VPS53: variants seen among roughly 807,000 people sequenced by gnomAD.
VPS53 encodes vacuolar protein sorting-associated protein 53 homolog.
Under a neutral mutation model 107.0 loss-of-function variants are expected in VPS53, and 70 were observed. The ratio of observed to expected loss-of-function variants is 0.65; its 90% CI spans 0.54 to 0.80. The LOEUF (loss-of-function observed/expected upper bound fraction) is 0.80. VPS53 is among the 30% of genes least tolerant of loss of function. The pLI, the probability that VPS53 is intolerant of heterozygous loss-of-function variation, is 0.00. For missense variants in VPS53, 917 were observed against 1,049.4 expected, an observed-to-expected ratio of 0.87 and a Z score of 1.74; for synonymous variants, 409 against 393.3, an observed-to-expected ratio of 1.04 and a Z score of -0.47.
chr17:608,267 A>C (rs34135607), intron 11 of VPS53, among the ~76,000 whole-genome samples: 2 of 152,258 alleles, frequency 1.3e-5, no homozygotes, highest in African/African-American at 4.8e-5. Context: ...CTAGACCCTA[A>C]GTGCCTTCCC....
chr17:661,398 GT>G (rs1971430909), intron 5 of VPS53, among the ~76,000 whole-genome samples: 1 of 151,696 alleles, frequency 6.6e-6, no homozygotes, highest in Non-Finnish European at 1.5e-5. Flanking sequence ...GCAGGCGCCT[GT>G]AATCCCAGCT....
chr17:562,386 G>A (rs977067033), intron 14 of VPS53, 117 bp downstream of exon 14: 9 of 1,419,596 alleles, frequency 6.3e-6, no homozygotes, highest in Middle Eastern at 2.2e-4. Flanking sequence ...CTCAGGAAGC[G>A]TGCTTTCCTC....
chr17:556,978 G>A (rs1912487348), intron 15 of VPS53, among the ~76,000 whole-genome samples: 1 of 152,004 alleles, frequency 6.6e-6, no homozygotes, highest in Non-Finnish European at 1.5e-5. Context: ...GAGGCTTGGG[G>A]AATGAGACTG....
At position 714,646 on chromosome 17, in the gene VPS53, C is replaced by A; in HGVS notation, c.64G>T (p.Glu22Ter). The A allele has an allele frequency of 6.2e-7, 1 of 1,612,846 alleles. No individual in the cohort carries two copies. The highest frequency in any genetic ancestry group is 8.5e-7 in the Non-Finnish European group (1 of 1,179,434). Residue 22 changes from glutamate to a stop codon, truncating the protein, a stop_gained, in exon 1 of 22, where the codon GAG becomes TAG. Transcript: ENST00000437048. LOFTEE classifies it high-confidence loss of function. ...ELEAVLQLTP[E>*]VQLAIEQVFP... is the part of the protein sequence containing the mutation. ...ACCTGCTCGATGGCCAGCTGCACCTCGGGCGTGAGCTGCAGCACGGCTTCC... is the reference window on the plus strand; with the variant it reads ...ACCTGCTCGATGGCCAGCTGCACCTAGGGCGTGAGCTGCAGCACGGCTTCC...
intron 8 of VPS53, among the ~76,000 whole-genome samples, chr17:631,268 A>G (rs1424035683): frequency 6.6e-6 from 1 of 151,438 alleles, no homozygotes; most frequent in Non-Finnish European, 1.5e-5. Flanking sequence ...CATGAGAAAA[A>G]AGGAATTGAC....
chr17:617,447 A>G (rs1445229825), intron 11 of VPS53, among the ~76,000 whole-genome samples: 1 of 152,176 alleles, frequency 6.6e-6, no homozygotes, highest in Non-Finnish European at 1.5e-5. Context: ...TGTCACCCAG[A>G]CTGGAGTGCA....
At chr17:701,151 C>T (rs2143944821) in intron 2 of VPS53, among the ~76,000 whole-genome samples, 1 of 151,834 alleles carries the variant, frequency 6.6e-6, no homozygotes, top group South Asian at 2.1e-4. Flanking sequence ...CAGTGAGATC[C>T]CATCTCTCCA....
intron 15 of VPS53, among the ~76,000 whole-genome samples, chr17:555,882 A>G (rs1191500339): frequency 1.3e-5 from 2 of 152,250 alleles, no homozygotes; most frequent in Non-Finnish European, 2.9e-5. Context: ...TGCAATCAGG[A>G]AAATCCAAAA....
At chr17:613,571 T>G (rs1029634477) in intron 11 of VPS53, among the ~76,000 whole-genome samples, 25 of 149,128 alleles carry the variant, frequency 1.7e-4, no homozygotes, top group African/African-American at 6.2e-4. Flanking sequence ...CACAGCAGTA[T>G]TCAAATAGTG....
chr17:564,056 C>G (rs942165462), intron 13 of VPS53, among the ~76,000 whole-genome samples: 8 of 151,838 alleles, frequency 5.3e-5, no homozygotes, highest in African/African-American at 1.9e-4. Context: ...TCGAGACCAG[C>G]CTGGCCAACA....
Position 557,066 on chromosome 17 carries a change from T to C in VPS53, c.1704+3360A>G, listed in dbSNP as rs187714278. 1.8e-4 allele frequency among the ~76,000 whole-genome samples: 28 copies of C among 152,326 alleles called. No homozygotes were observed. The East Asian group carries it at 5.0e-3, about 27-fold the overall frequency. On this transcript the variant is annotated intron_variant, in intron 15 of 21. Coordinates refer to ENST00000437048, the MANE Select transcript of VPS53 (RefSeq NM_001128159.3). ...CGGGGTTTTGCCATGTTGACGAGAC[T>C]GGTCTTAAACTCCTGACCTCAAGTG...
intron 7 of VPS53, among the ~76,000 whole-genome samples, chr17:646,214 C>T (rs1348663699): frequency 7.9e-6 from 1 of 127,382 alleles, no homozygotes; most frequent in Non-Finnish European, 1.7e-5. Context: ...ATCTCCGTGA[C>T]CGTGTGGCCT....
chr17:599,235 C>T (rs1968196853), intron 12 of VPS53, among the ~76,000 whole-genome samples: 1 of 151,908 alleles, frequency 6.6e-6, no homozygotes, highest in Non-Finnish European at 1.5e-5. Flanking sequence ...CCGGCCACCA[C>T]CCTGTCTGGG....
At chr17:545,982 T>C (rs1911153668) in intron 17 of VPS53, among the ~76,000 whole-genome samples, 2 of 152,148 alleles carry the variant, frequency 1.3e-5, no homozygotes, top group African/African-American at 4.8e-5. Flanking sequence ...AGCCAAACAG[T>C]GTGGTACTGG....
intron 17 of VPS53, among the ~76,000 whole-genome samples, chr17:543,584 G>A (rs568080682): frequency 4.2e-4 from 64 of 151,598 alleles, no homozygotes; most frequent in Non-Finnish European, 8.5e-4. Context: ...GGGAGCCCAC[G>A]GCTCTCTATC....
intron 14 of VPS53, among the ~76,000 whole-genome samples, chr17:561,471 G>C (rs1236774187): frequency 1.3e-5 from 2 of 152,152 alleles, no homozygotes; most frequent in Non-Finnish European, 2.9e-5. Context: ...TTAAACGGTA[G>C]CTGCAGGGAA....
At chr17:561,601 G>C (rs919967894) in intron 14 of VPS53, among the ~76,000 whole-genome samples, 2 of 152,116 alleles carry the variant, frequency 1.3e-5, no homozygotes, top group African/African-American at 4.8e-5. Flanking sequence ...CGTTCTCTTT[G>C]GGTAGTGGGA....
At chr17:630,668 T>C (rs1422345760) in intron 8 of VPS53, among the ~76,000 whole-genome samples, 1 of 152,186 alleles carries the variant, frequency 6.6e-6, no homozygotes, top group Admixed American at 6.5e-5. Flanking sequence ...TACATTTCTT[T>C]TATGGAACAC....
rs181352832 is a variant in VPS53, at chr17:549,630, C to T, written c.1866+2242G>A. 1.2e-4 allele frequency among the ~76,000 whole-genome samples: 19 copies of T among 152,124 alleles called. No individual in the cohort carries two copies. The East Asian group carries it at 2.7e-3, about 22-fold the overall frequency. On this transcript the variant is annotated intron_variant, in intron 17 of 21. Transcript: ENST00000437048. ...CCTTTGGTGAATGTGAAAATTCTTT[C>T]GGCAGCTGCATTCCGATCTGAAGTG...
Sources: allele counts gnomAD v4.1 joint callset (sites outside exome capture counted in the v4.1 genomes callset), GRCh38; gene constraint gnomAD v4.1.1; transcripts MANE v1.5; gene names NCBI Gene and HGNC (gene_info 2026-07-23, HGNC 2026-07-21).